The following PMFBP1 variants were observed in gnomAD, a reference collection of about 807,000 sequenced individuals.
The protein encoded by PMFBP1 is polyamine modulated factor 1 binding protein 1, also known as polyamine-modulated factor 1-binding protein 1.
In PMFBP1, 131 loss-of-function variants were observed where a neutral mutation model predicts 137.8. The observed-to-expected ratio is 0.95, with a 90% confidence interval of 0.82 to 1.10. PMFBP1 has a LOEUF of 1.10. Among genes scored for constraint, PMFBP1 ranks in the 50% least tolerant of loss-of-function variants. The pLI is 0.00. For missense variants in PMFBP1, 1,199 were observed against 1,175.4 expected (o/e 1.02, Z -0.29); for synonymous variants, 490 against 450.4 (o/e 1.09, Z -1.11).
intron 12 of PMFBP1, 24 bp downstream of exon 12, chr16:72,130,189 G>A: frequency 1.9e-6 from 3 of 1,608,616 alleles, no homozygotes; most frequent in Non-Finnish European, 2.5e-6. Flanking sequence ...GCACTTGAAT[G>A]GGCCATCTGC....
In PMFBP1 at chr16:72,128,736, T is replaced by G. The variant is rs541274788; in HGVS notation, c.2009A>C (p.Gln670Pro). 6.2e-7 allele frequency: 1 copy of G among 1,614,182 alleles called. No individual in the cohort carries two copies. Among genetic ancestry groups the G allele is most frequent in the South Asian group, 1.1e-5 (1 of 91,080 alleles). The change falls in exon 14 of 21, where the codon CAG becomes CCG. Residue 670 changes from glutamine to proline, a missense_variant. Physicochemically the swap from Gln to Pro is moderately conservative, Grantham distance 76 (BLOSUM62 -1). Coordinates refer to ENST00000237353, the MANE Select transcript of PMFBP1 (RefSeq NM_031293.3). ...EENENLRAEL[Q>P]CCSTQLESSL... ...GGATTCCAGTTGTGTAGAACAACAC[T>G]GTAGCTCTGCTCGGAGATTCTCATT...
At chr16:72,203,188 A>G in the PMFBP1 span, among the ~76,000 whole-genome samples, 1 of 152,012 alleles carries the variant, frequency 6.6e-6, no homozygotes, top group East Asian at 1.9e-4. Flanking sequence ...TCCTTCAAAT[A>G]TTTTCCACTT....
At chr16:72,244,209 T>C in the PMFBP1 span, among the ~76,000 whole-genome samples, 1 of 151,802 alleles carries the variant, frequency 6.6e-6, no homozygotes, top group African/African-American at 2.4e-5. Context: ...AAATGAAAAA[T>C]ACTTATTAAA....
At chr16:72,235,015 C>T in the PMFBP1 span, among the ~76,000 whole-genome samples, 2 of 152,180 alleles carry the variant, frequency 1.3e-5, no homozygotes, top group South Asian at 2.1e-4. Context: ...TTCTTGATGG[C>T]GTACTTTGAA....
chr16:72,161,855 G>A (rs1291719370), intron 3 of PMFBP1, among the ~76,000 whole-genome samples: 1 of 151,988 alleles, frequency 6.6e-6, no homozygotes, highest in Non-Finnish European at 1.5e-5. Flanking sequence ...GATTCAAAAC[G>A]ATACTGTGTA....
At chr16:72,119,643 G>A in intron 20 of PMFBP1, 1 of 1,444,178 alleles carries the variant, frequency 6.9e-7, no homozygotes, top group Non-Finnish European at 9.0e-7. Flanking sequence ...TGAGGCACTT[G>A]GGTATGCTTC....
chr16:72,129,360 T>C (rs1327057835), intron 12 of PMFBP1, 127 bp from the exon 13 acceptor site: 2 of 1,067,656 alleles, frequency 1.9e-6, no homozygotes, highest in Admixed American at 2.8e-5. Context: ...TTATATAGCA[T>C]ATGTAAAATA....
upstream of PMFBP1, among the ~76,000 whole-genome samples, chr16:72,180,433 C>G (rs901874184): frequency 9.2e-5 from 14 of 152,128 alleles, no homozygotes; most frequent in Non-Finnish European, 2.9e-5. Context: ...ATTGCCAAAC[C>G]TCTGGCAGAA....
Position 72,154,391 on chromosome 16 carries a change from A to C in PMFBP1, c.234T>G (p.Cys78Trp), listed in dbSNP as rs770485323. ...SEVEFGSSKQ[C>W]HLRQLQQLKK... Reference sequence around the variant, plus strand: ...TCAGTTGCTGGAGTTGTCTCAGATGACACTGTTTACTGGACCCAAATTCCA... The same window carrying C: ...TCAGTTGCTGGAGTTGTCTCAGATGCCACTGTTTACTGGACCCAAATTCCA... Residue 78 changes from cysteine (C) to tryptophan (W), a missense_variant, in exon 4 of 21, where the codon TGT (cysteine) becomes TGG (tryptophan). By Grantham distance (215) the Cys-to-Trp change is radical. Transcript: ENST00000237353. 3.7e-6 allele frequency: 6 copies of C among 1,614,052 alleles called. No individual in the cohort carries two copies. The African/African-American group carries it at 6.7e-5, about 18-fold the overall frequency.
the PMFBP1 span, among the ~76,000 whole-genome samples, chr16:72,239,116 T>C: frequency 1.3e-5 from 2 of 152,202 alleles, no homozygotes. Context: ...TTGAGAAACT[T>C]TTTTCCTAAT....
intron 4 of PMFBP1, among the ~76,000 whole-genome samples, chr16:72,153,914 G>T: frequency 8.7e-6 from 1 of 115,172 alleles, no homozygotes; most frequent in Non-Finnish European, 1.7e-5. Flanking sequence ...TGGAGAAGAT[G>T]GACTTATACA....
intron 18 of PMFBP1, among the ~76,000 whole-genome samples, 195 bp from the exon 19 acceptor site, chr16:72,123,183 T>C (rs2042402317): frequency 1.3e-5 from 2 of 152,108 alleles, no homozygotes; most frequent in South Asian, 4.1e-4. Context: ...ACTCAACTCC[T>C]ATGCAAAATC....
At chr16:72,161,953 T>C (rs184766371) in intron 3 of PMFBP1, among the ~76,000 whole-genome samples, 13 of 152,358 alleles carry the variant, frequency 8.5e-5, no homozygotes, top group African/African-American at 2.4e-4. Flanking sequence ...TATAGTTTTA[T>C]GCTAAAAAGT....
the PMFBP1 span, among the ~76,000 whole-genome samples, chr16:72,192,683 T>C: frequency 5.3e-5 from 8 of 151,946 alleles, no homozygotes; most frequent in African/African-American, 1.2e-4. Context: ...ATCAAGACCA[T>C]CCCACGTCAG....
At chr16:72,185,596 C>T in the PMFBP1 span, among the ~76,000 whole-genome samples, 8 of 152,092 alleles carry the variant, frequency 5.3e-5, no homozygotes, top group Non-Finnish European at 1.0e-4. Context: ...TCTGAACGTC[C>T]CCACCAGGGC....
chr16:72,119,619 G>A (rs186286), intron 20 of PMFBP1: 1,336,442 of 1,441,992 alleles, frequency 0.93, 620,001 homozygotes, highest in East Asian at 1. Flanking sequence ...AGGGGAGGGG[G>A]CAGGTCTGAG....
intron 3 of PMFBP1, among the ~76,000 whole-genome samples, chr16:72,161,342 C>T (rs1443598195): frequency 1.3e-5 from 2 of 152,112 alleles, no homozygotes; most frequent in African/African-American, 4.8e-5. Context: ...AGGTGATCCA[C>T]CCGCCTCAGC....
At chr16:72,204,646 A>G in the PMFBP1 span, among the ~76,000 whole-genome samples, 7 of 152,200 alleles carry the variant, frequency 4.6e-5, no homozygotes, top group African/African-American at 1.7e-4. Flanking sequence ...GAACGAATGA[A>G]TGAGCAGAGG....
rs1360993009 is a variant in PMFBP1 at position 72,124,258 on chromosome 16, G to C, written c.2589+509C>G. Among the ~76,000 whole-genome samples the C allele has an allele frequency of 2.0e-5, 3 of 152,214 alleles. No homozygotes were observed. In the East Asian group the frequency reaches 5.8e-4, roughly 29 times the overall value. On this transcript the variant is annotated intron_variant, in intron 17 of 20. Coordinates refer to ENST00000237353, the MANE Select transcript of PMFBP1 (RefSeq NM_031293.3). The stretch of plus-strand genomic sequence containing the variant: ...ACTCCTGGACTCAAGCAGTCCTCCT[G>C]CCTTGGCCTCCCAAAGTGTAGGGAC...
Sources: gnomAD v4.1 joint callset for allele counts (sites outside exome capture counted in the v4.1 genomes callset) on GRCh38, gnomAD v4.1.1 for gene constraint, MANE v1.5 for transcripts, NCBI Gene and HGNC (gene_info 2026-07-23, HGNC 2026-07-21) for gene names.